The following IL1RAPL1 variants were observed in gnomAD, a reference collection of about 807,000 sequenced individuals.
The protein encoded by IL1RAPL1 is interleukin-1 receptor accessory protein-like 1.
Under a neutral mutation model 48.4 loss-of-function variants are expected in IL1RAPL1, and 3 were observed. That is an observed-to-expected ratio of 0.06 (90% confidence interval 0.03 to 0.16). The LOEUF is 0.16. IL1RAPL1 is among the 10% of genes least tolerant of loss of function. IL1RAPL1 has a pLI of 1.00. For missense variants in IL1RAPL1, 349 were observed against 530.6 expected (o/e 0.66, Z 3.36); for synonymous variants, 185 against 187.7 (o/e 0.99, Z 0.12).
chrX:29,355,503 A>G (rs1442594529), intron 3 of IL1RAPL1, among the ~76,000 whole-genome samples: 2 of 112,622 alleles, frequency 1.8e-5, no homozygotes, highest in African/African-American at 6.4e-5. Flanking sequence ...TACTTGTAGC[A>G]TAAAGATATA....
intron 6 of IL1RAPL1, among the ~76,000 whole-genome samples, chrX:29,879,651 A>C (rs899843292): frequency 2.7e-4 from 30 of 110,167 alleles, no homozygotes; most frequent in Admixed American, 7.9e-4. Flanking sequence ...TGTCTTTGGA[A>C]AAAAAAGCTA....
At chrX:29,187,387 G>C (rs1037970343) in intron 2 of IL1RAPL1, among the ~76,000 whole-genome samples, 1 of 111,308 alleles carries the variant, frequency 9.0e-6, no homozygotes, top group African/African-American at 3.3e-5. Context: ...ACAGAGTATT[G>C]GGACAGAGGC....
intron 5 of IL1RAPL1, among the ~76,000 whole-genome samples, chrX:29,576,437 C>T (rs1922775511): frequency 8.9e-6 from 1 of 112,010 alleles, no homozygotes; most frequent in South Asian, 3.7e-4. Context: ...TCAGAAATGG[C>T]AACAGTTTAG....
At chrX:29,762,564 AAG>A (rs903502907) in intron 6 of IL1RAPL1, among the ~76,000 whole-genome samples, 2 of 111,752 alleles carry the variant, frequency 1.8e-5, no homozygotes, top group South Asian at 3.7e-4. Flanking sequence ...GAGAAAGAGA[AAG>A]AGAGAGAAAT....
chrX:28,773,636 A>G (rs942994983), intron 1 of IL1RAPL1, among the ~76,000 whole-genome samples: 1 of 111,578 alleles, frequency 9.0e-6, no homozygotes, highest in African/African-American at 3.3e-5. Flanking sequence ...CTCTGCTACT[A>G]TCTGAAGCCA....
intron 6 of IL1RAPL1, among the ~76,000 whole-genome samples, chrX:29,826,771 T>G (rs1391524043): frequency 8.9e-6 from 1 of 112,441 alleles, no homozygotes; most frequent in African/African-American, 3.2e-5. Flanking sequence ...TACATTTTGT[T>G]TATTCATTCA....
intron 2 of IL1RAPL1, among the ~76,000 whole-genome samples, chrX:29,098,967 A>G (rs1381627173): frequency 9.0e-6 from 1 of 111,621 alleles, no homozygotes; most frequent in Non-Finnish European, 1.9e-5. Flanking sequence ...CCTGGCCAAC[A>G]TGGTGAAACC....
At chrX:28,704,269 CT>C (rs886830304) in intron 1 of IL1RAPL1, among the ~76,000 whole-genome samples, 95 of 110,212 alleles carry the variant, frequency 8.6e-4, no homozygotes, top group South Asian at 3.8e-4. Context: ...TATAATCTCC[CT>C]TTTTTTTCAT....
intron 6 of IL1RAPL1, among the ~76,000 whole-genome samples, chrX:29,845,916 C>G (rs1383619365): frequency 2.7e-5 from 3 of 110,036 alleles, no homozygotes; most frequent in Non-Finnish European, 5.7e-5. Flanking sequence ...TTTAAACAAC[C>G]AGATCTTTTG....
intron 2 of IL1RAPL1, among the ~76,000 whole-genome samples, chrX:29,057,379 T>C (rs1927239618): frequency 9.0e-6 from 1 of 110,792 alleles, no homozygotes; most frequent in Non-Finnish European, 1.9e-5. Context: ...GGGAGTGAAC[T>C]ATTGTGGTTT....
At chrX:29,717,988 C>T (rs1601793385) in intron 6 of IL1RAPL1, among the ~76,000 whole-genome samples, 1 of 112,136 alleles carries the variant, frequency 8.9e-6, no homozygotes, top group South Asian at 3.7e-4. Context: ...AGTTATTTGA[C>T]TCTCCAATAT....
chrX:29,695,228 C>CT (rs1228438467), intron 6 of IL1RAPL1, among the ~76,000 whole-genome samples: 1 of 111,242 alleles, frequency 9.0e-6, no homozygotes, highest in Non-Finnish European at 1.9e-5. Context: ...AAATAAGGAG[C>CT]TTGAGGTACA....
intron 3 of IL1RAPL1, among the ~76,000 whole-genome samples, chrX:29,296,596 C>A (rs1374339887): frequency 9.2e-6 from 1 of 109,263 alleles, no homozygotes; most frequent in Non-Finnish European, 1.9e-5. Flanking sequence ...ACTTTCAGTA[C>A]CACCATACCT....
intron 5 of IL1RAPL1, among the ~76,000 whole-genome samples, chrX:29,667,641 G>A (rs1016888132): frequency 2.7e-5 from 3 of 111,866 alleles, no homozygotes; most frequent in African/African-American, 6.5e-5. Context: ...AGTTTAGCTA[G>A]GAATGAAGTA....
chrX:29,686,033 G>A (rs1335942589), intron 6 of IL1RAPL1, among the ~76,000 whole-genome samples: 1 of 110,828 alleles, frequency 9.0e-6, no homozygotes, highest in Non-Finnish European at 1.9e-5. Flanking sequence ...GTCACAAGGT[G>A]AGCATGTTAT....
At chrX:28,763,719 G>A (rs1936202394) in intron 1 of IL1RAPL1, among the ~76,000 whole-genome samples, 1 of 110,964 alleles carries the variant, frequency 9.0e-6, no homozygotes, top group Admixed American at 9.7e-5. Context: ...ATGTTGGCCT[G>A]CTTCTTGTAG....
intron 2 of IL1RAPL1, among the ~76,000 whole-genome samples, chrX:29,000,266 A>G (rs185300319): frequency 8.9e-6 from 1 of 111,977 alleles, no homozygotes; most frequent in African/African-American, 3.2e-5. Context: ...AGGTGGCACC[A>G]TGGGAGAAAG....
intron 5 of IL1RAPL1, among the ~76,000 whole-genome samples, chrX:29,606,721 T>A (rs777513358): frequency 9.0e-6 from 1 of 111,478 alleles, no homozygotes; most frequent in Non-Finnish European, 1.9e-5. Context: ...TGAGCTACCT[T>A]TGGGAGAAGT....
chrX:29,774,227 A>G (rs1000190430), intron 6 of IL1RAPL1, among the ~76,000 whole-genome samples: 1 of 109,835 alleles, frequency 9.1e-6, no homozygotes, highest in Non-Finnish European at 1.9e-5. Context: ...GGCTTTATAA[A>G]GGTGATTTTA....
Sources: gnomAD v4.1 joint callset for allele counts (sites outside exome capture counted in the v4.1 genomes callset) on GRCh38, gnomAD v4.1.1 for gene constraint, MANE v1.5 for transcripts, NCBI Gene and HGNC (gene_info 2026-07-23, HGNC 2026-07-21) for gene names.